KDM4B: variants seen among roughly 807,000 people sequenced by gnomAD.
KDM4B encodes lysine demethylase 4B.
In KDM4B, 32 loss-of-function variants were observed where a neutral mutation model predicts 125.2. The observed-to-expected ratio is 0.26, with a 90% confidence interval of 0.19 to 0.34. The LOEUF (loss-of-function observed/expected upper bound fraction) is 0.34, where lower values mean the gene tolerates loss of function less well. Among genes scored for constraint, KDM4B ranks in the 10% least tolerant of loss-of-function variants. The pLI is 1.00. For synonymous variants in KDM4B, 721 were observed against 677.9 expected, an observed-to-expected ratio of 1.06 and a Z score of -0.99; for missense variants, 1,190 against 1,577.7, an observed-to-expected ratio of 0.75 and a Z score of 4.16.
chr19:4,988,573 C>T (rs951339094), intron 1 of KDM4B, among the ~76,000 whole-genome samples: 1 of 152,096 alleles, frequency 6.6e-6, no homozygotes, highest in Admixed American at 6.5e-5. Context: ...CCGTGCCCGG[C>T]CTCATGAACC....
intron 21 of KDM4B, 116 bp from the exon 22 acceptor site, chr19:5,150,242 C>G (rs1285317570): frequency 1.4e-6 from 1 of 703,070 alleles, no homozygotes; most frequent in Non-Finnish European, 2.4e-6. Flanking sequence ...CATGTGGCCT[C>G]TAGCGGGCCC....
At position 5,082,242 on chromosome 19, in the gene KDM4B, T is replaced by G; in HGVS notation, c.781-125T>G. The G allele has an allele frequency of 8.6e-7, 1 of 1,165,478 alleles. No individual in the cohort carries two copies. 72.2% of individuals were successfully genotyped at this position (1,165,478 alleles called of 1,614,324 possible). A position where few individuals can be genotyped will look rare whatever the true frequency, so the allele number is the denominator to read the frequency against. The stretch of plus-strand genomic sequence containing the variant: ...GCCCCTGGAGCCGCTGGATCACCTT[T>G]GACTTTGTGAAACCCCCTTGGCTCA... On this transcript the variant is annotated intron_variant, in intron 8 of 22. Coordinates refer to ENST00000159111, the MANE Select transcript of KDM4B (RefSeq NM_015015.3). The surrounding 1 kb of genome is among the most constrained non-coding windows in gnomAD (Gnocchi z 5.4).
intron 9 of KDM4B, among the ~76,000 whole-genome samples, chr19:5,090,109 A>G (rs924682754): frequency 3.9e-5 from 6 of 152,254 alleles, no homozygotes; most frequent in Admixed American, 3.3e-4. Flanking sequence ...GAAAGAGGAC[A>G]GAGTGGAAGG....
intron 11 of KDM4B, among the ~76,000 whole-genome samples, chr19:5,121,201 C>T (rs2039354251): frequency 6.6e-6 from 1 of 152,122 alleles, no homozygotes; most frequent in African/African-American, 2.4e-5. Flanking sequence ...TTGCCAGTGC[C>T]TGTGGGCCTG....
chr19:5,047,756 GC>G, intron 6 of KDM4B, 87 bp downstream of exon 6: 1 of 1,394,350 alleles, frequency 7.2e-7, no homozygotes, highest in East Asian at 2.3e-5. Context: ...GGGCGCCGTG[GC>G]AGGGGCCCCA....
intron 9 of KDM4B, among the ~76,000 whole-genome samples, chr19:5,107,337 G>C (rs948682955): frequency 6.6e-6 from 1 of 152,232 alleles, no homozygotes; most frequent in African/African-American, 2.4e-5. Flanking sequence ...CCCCCGGATG[G>C]TGCCTTCCTT....
intron 11 of KDM4B, among the ~76,000 whole-genome samples, chr19:5,126,644 G>T (rs1007488336): frequency 2.0e-5 from 3 of 152,236 alleles, no homozygotes; most frequent in Non-Finnish European, 4.4e-5. Context: ...GAAAGCAAAG[G>T]CTGCCATGTC....
At chr19:5,053,147 G>A (rs1353992405) in intron 6 of KDM4B, among the ~76,000 whole-genome samples, 1 of 152,252 alleles carries the variant, frequency 6.6e-6, no homozygotes, top group African/African-American at 2.4e-5. Context: ...TCCCCACACT[G>A]CACTCTGTCA....
At chr19:5,149,633 C>T (rs905427009) in intron 21 of KDM4B, among the ~76,000 whole-genome samples, 8 of 152,242 alleles carry the variant, frequency 5.3e-5, no homozygotes, top group Non-Finnish European at 1.0e-4. Flanking sequence ...CACGCCCCTC[C>T]CTGGCACGCC....
Position 5,027,261 on chromosome 19 carries a change from C to T in KDM4B, c.-25-5605C>T, listed in dbSNP as rs142767333. ...TAAACATGCACAGCAGGCACTGTGGCGCCCACCCCAAATCACAGGAAGGAT... is the reference window on the plus strand; with the variant it reads ...TAAACATGCACAGCAGGCACTGTGGTGCCCACCCCAAATCACAGGAAGGAT... On this transcript the variant is annotated intron_variant, in intron 2 of 22. Coordinates refer to ENST00000159111, the MANE Select transcript of KDM4B (RefSeq NM_015015.3). 1.2e-3 allele frequency among the ~76,000 whole-genome samples: 182 copies of T among 152,350 alleles called. 1 individual carries two copies. The Middle Eastern group carries it at 0.031, about 26-fold the overall frequency.
chr19:5,126,880 G>A (rs2039459257), intron 11 of KDM4B, among the ~76,000 whole-genome samples: 1 of 152,244 alleles, frequency 6.6e-6, no homozygotes, highest in South Asian at 2.1e-4. Flanking sequence ...CATAAGCCAG[G>A]CCGAAGCTGG....
chr19:5,136,566 G>A (rs965811415), intron 15 of KDM4B, among the ~76,000 whole-genome samples: 7 of 152,150 alleles, frequency 4.6e-5, no homozygotes, highest in African/African-American at 1.7e-4. Flanking sequence ...GCTCCCTGGG[G>A]GAAGGGTTGC....
chr19:4,973,136 C>A (rs567218494), intron 1 of KDM4B, among the ~76,000 whole-genome samples: 1 of 152,326 alleles, frequency 6.6e-6, no homozygotes, highest in African/African-American at 2.4e-5. Flanking sequence ...TGGCCTCTTC[C>A]TGAACAGTAA....
intron 9 of KDM4B, among the ~76,000 whole-genome samples, chr19:5,085,451 C>T (rs1025442638): frequency 2.0e-5 from 3 of 152,180 alleles, no homozygotes; most frequent in Non-Finnish European, 2.9e-5. Flanking sequence ...GAGGTGCTGT[C>T]GGAGCTGAAA....
At chr19:5,003,872 C>T (rs546830592) in intron 1 of KDM4B, among the ~76,000 whole-genome samples, 2 of 152,258 alleles carry the variant, frequency 1.3e-5, no homozygotes, top group South Asian at 2.1e-4. Context: ...ACACAGTCTC[C>T]GTATATGCCT....
intron 1 of KDM4B, among the ~76,000 whole-genome samples, chr19:4,982,032 T>G (rs1031334376): frequency 1.6e-4 from 25 of 152,206 alleles, no homozygotes; most frequent in African/African-American, 6.0e-4. Flanking sequence ...GGCTCATGCC[T>G]GTCATCCCAG....
chr19:5,088,164 C>A (rs1211989672), intron 9 of KDM4B, among the ~76,000 whole-genome samples: 1 of 152,188 alleles, frequency 6.6e-6, no homozygotes, highest in East Asian at 1.9e-4. Context: ...TCGGGTAGGC[C>A]CGAGCATCTG....
At chr19:5,137,218 C>A in intron 15 of KDM4B, 44 bp from the exon 16 acceptor site, 1 of 1,491,988 alleles carries the variant, frequency 6.7e-7, no homozygotes, top group Non-Finnish European at 9.1e-7. Context: ...CTCCCCAAGT[C>A]TCACCTGCCC....
intron 3 of KDM4B, among the ~76,000 whole-genome samples, chr19:5,036,551 G>A (rs542485453): frequency 3.3e-5 from 5 of 152,338 alleles, no homozygotes; most frequent in African/African-American, 1.2e-4. Flanking sequence ...CCTCCCAGGC[G>A]GGTGCCAGCA....
Sources: gnomAD v4.1 joint callset for allele counts (sites outside exome capture counted in the v4.1 genomes callset) on GRCh38, gnomAD v4.1.1 for gene constraint, Gnocchi (gnomAD v3.1) non-coding constraint, MANE v1.5 for transcripts, NCBI Gene and HGNC (gene_info 2026-07-23, HGNC 2026-07-21) for gene names.